The following RAP1B variants were observed in gnomAD, a reference collection of about 807,000 sequenced individuals.
RAP1B encodes the protein ras-related protein Rap-1b.
Under a neutral mutation model 27.5 loss-of-function variants are expected in RAP1B, and 1 was observed. The observed-to-expected ratio is 0.04, with a 90% CI of 0.01 to 0.17. The LOEUF (loss-of-function observed/expected upper bound fraction) is 0.17, where lower values mean the gene tolerates loss of function less well. Ranked by LOEUF, RAP1B falls within the 10% of genes least tolerant of loss-of-function variation. The pLI is 1.00. For missense variants in RAP1B, 84 were observed against 214.8 expected (o/e 0.39, Z 3.81); for synonymous variants, 75 against 73.1 (o/e 1.03, Z -0.13).
At chr12:68,620,634 A>AC (rs903020373) in intron 1 of RAP1B, among the ~76,000 whole-genome samples, 1 of 147,372 alleles carries the variant, frequency 6.8e-6, no homozygotes, top group Non-Finnish European at 1.5e-5. Context: ...ACAAGGTCTC[A>AC]CTGTCATCTA....
chr12:68,636,094 A>G (rs978965329), intron 1 of RAP1B, among the ~76,000 whole-genome samples: 18 of 151,432 alleles, frequency 1.2e-4, no homozygotes, highest in African/African-American at 3.9e-4. Flanking sequence ...CATATTGGCC[A>G]GGCTGGTCGC....
intron 1 of RAP1B, among the ~76,000 whole-genome samples, chr12:68,622,640 G>C (rs1235452285): frequency 6.6e-6 from 1 of 152,150 alleles, no homozygotes; most frequent in Non-Finnish European, 1.5e-5. Context: ...TACCTCTGTA[G>C]TTCTTAATCA....
chr12:68,623,274 G>A (rs1871512363), intron 1 of RAP1B, among the ~76,000 whole-genome samples: 1 of 152,126 alleles, frequency 6.6e-6, no homozygotes. Context: ...AGGAAGAAGT[G>A]AAACCCTTAG....
chr12:68,658,644 TACC>T (rs1271138959), intron 7 of RAP1B, among the ~76,000 whole-genome samples: 5 of 152,152 alleles, frequency 3.3e-5, no homozygotes, highest in Non-Finnish European at 7.4e-5. Context: ...TTTAGTGTAA[TACC>T]ACCTTTTTCT....
In RAP1B at chr12:68,661,021, CTT is replaced by C. The variant is rs1345754572; in HGVS notation, c.*1776_*1777del. The C allele has an allele frequency of 3.3e-5, 5 of 152,086 alleles. No homozygotes were observed. Among genetic ancestry groups the C allele is most frequent in the Non-Finnish European group, 5.9e-5 (4 of 67,992 alleles). 9.4% of individuals were successfully genotyped at this position (152,086 alleles called of 1,614,324 possible). A position where few individuals can be genotyped will look rare whatever the true frequency, so the allele number is the denominator to read the frequency against. The stretch of plus-strand genomic sequence containing the variant: ...GAATTCTTATAGAATTATTTTAAAA[CTT>C]TTTAAAAATTGTAAAGCTCTTAAAA... On this transcript the variant is annotated 3_prime_UTR_variant, in exon 8 of 8. Transcript: ENST00000250559.
At chr12:68,656,551 T>A in intron 6 of RAP1B, 102 bp downstream of exon 6, 1 of 1,218,084 alleles carries the variant, frequency 8.2e-7, no homozygotes, top group Middle Eastern at 2.0e-4. Context: ...CAGGGTAATA[T>A]GTTGATGTTA....
At position 68,656,395 on chromosome 12, in the gene RAP1B, G is replaced by C; in HGVS notation, c.414G>C (p.Trp138Cys). The change falls in exon 6 of 8, where the codon TGG (tryptophan) becomes TGC (cysteine). Residue 138 changes from tryptophan to cysteine, a missense_variant. Physicochemically the swap from Trp to Cys is radical, Grantham distance 215. Transcript: ENST00000250559. Reference sequence around the variant, plus strand: ...AAGGTCAAAATCTAGCAAGACAATGGAACAACTGTGCATTCTTAGAATCTT... The same window carrying C: ...AAGGTCAAAATCTAGCAAGACAATGCAACAACTGTGCATTCTTAGAATCTT... ...KEQGQNLARQWNNCAFLESSA... is the reference protein window; with the variant it reads ...KEQGQNLARQCNNCAFLESSA... The C allele has an allele frequency of 6.2e-7, 1 of 1,610,810 alleles. No individual in the cohort carries two copies. Among genetic ancestry groups the C allele is most frequent in the Non-Finnish European group, 8.5e-7 (1 of 1,177,230 alleles).
At chr12:68,636,828 A>G (rs1434157156) in intron 1 of RAP1B, among the ~76,000 whole-genome samples, 3 of 151,430 alleles carry the variant, frequency 2.0e-5, no homozygotes. Context: ...TAATTTTTGT[A>G]TTTTTAGTAG....
At chr12:68,637,541 G>A (rs1872707696) in intron 1 of RAP1B, among the ~76,000 whole-genome samples, 1 of 135,738 alleles carries the variant, frequency 7.4e-6, no homozygotes, top group African/African-American at 2.8e-5. Flanking sequence ...AGGTTGCAGT[G>A]AGCTGAGATC....
rs1470768064 is a variant in RAP1B, at chr12:68,671,696, G to A, written c.*12447G>A. 3 of 152,082 alleles carry A rather than the reference G, an allele frequency of 2.0e-5. No homozygotes were observed. The highest frequency in any genetic ancestry group is 7.2e-5 in the African/African-American group (3 of 41,418). The allele number at this position is 152,082 out of a possible 1,614,324, so 9.4% of individuals were successfully genotyped here. Reference sequence around the variant, plus strand: ...GTGAGGAAGTGAAGGATCTGAGTAGGTGGAAAAAGAAAAGCAAAAGTACAA... The same window carrying A: ...GTGAGGAAGTGAAGGATCTGAGTAGATGGAAAAAGAAAAGCAAAAGTACAA... On this transcript the variant is annotated 3_prime_UTR_variant, in exon 8 of 8. Coordinates refer to ENST00000250559, the MANE Select transcript of RAP1B (RefSeq NM_001010942.3).
chr12:68,623,926 C>T (rs1871560860), intron 1 of RAP1B, among the ~76,000 whole-genome samples: 1 of 151,336 alleles, frequency 6.6e-6, no homozygotes, highest in African/African-American at 2.4e-5. Flanking sequence ...GAGGCTGAGG[C>T]GGGAGAATCG....
At chr12:68,657,771 C>CACGT (rs1874322029) in intron 7 of RAP1B, 1 of 151,032 alleles carries the variant, frequency 6.6e-6, no homozygotes, top group Non-Finnish European at 1.4e-5. Flanking sequence ...CACACACACA[C>CACGT]ACGTGCGCGC....
At position 68,657,300 on chromosome 12, in the gene RAP1B, T is replaced by C. The variant is rs1221954193; in HGVS notation, c.*30+83T>C. On this transcript the variant is annotated intron_variant, in intron 7 of 7. Coordinates refer to ENST00000250559, the MANE Select transcript of RAP1B (RefSeq NM_001010942.3). ...TGTCATGAAAGCAAGTATAGACTTC[T>C]TTTTGTTGGTTCTGAAAAATAAATG... The C allele has an allele frequency of 3.8e-6, 3 of 788,240 alleles. No homozygotes were observed. In the East Asian group the frequency reaches 7.9e-5, roughly 21 times the overall value. The allele number at this position is 788,240 out of a possible 1,614,324, so 48.8% of individuals were successfully genotyped here.
intron 1 of RAP1B, among the ~76,000 whole-genome samples, chr12:68,613,729 C>G (rs565349541): frequency 1.3e-5 from 2 of 152,298 alleles, no homozygotes; most frequent in South Asian, 2.1e-4. Context: ...AGCGCGTTGC[C>G]TGGGCACAGT....
chr12:68,618,839 A>T (rs983226933), intron 1 of RAP1B, among the ~76,000 whole-genome samples: 1 of 152,222 alleles, frequency 6.6e-6, no homozygotes, highest in African/African-American at 2.4e-5. Context: ...ACTGTAACAA[A>T]ATGGGAAGTA....
rs560640421 is a variant in RAP1B, at chr12:68,612,379, T to C, written c.-27+1336T>C. Among the ~76,000 whole-genome samples, 32 of 152,320 alleles carry C rather than the reference T, an allele frequency of 2.1e-4. No individual in the cohort carries two copies. In the South Asian group the frequency reaches 5.2e-3, roughly 25 times the overall value. ...GCCCATATTATTCTTAAAAGCTGAC[T>C]CTTGAAATAGTATTTATTGAGTCAT... On this transcript the variant is annotated intron_variant, in intron 1 of 7. Transcript: ENST00000250559.
intron 4 of RAP1B, 143 bp from the exon 5 acceptor site, chr12:68,653,969 G>GT (rs1409407026): frequency 5.5e-6 from 4 of 732,978 alleles, no homozygotes; most frequent in Non-Finnish European, 8.6e-6. Flanking sequence ...TTTTCAAATA[G>GT]TATCTTGTCA....
intron 1 of RAP1B, among the ~76,000 whole-genome samples, chr12:68,628,309 A>G (rs1487987448): frequency 5.9e-5 from 9 of 152,212 alleles, no homozygotes. Context: ...CAACTGATAC[A>G]AACTGAAGCA....
At chr12:68,645,019 C>T (rs187982875) in intron 1 of RAP1B, among the ~76,000 whole-genome samples, 117 of 152,210 alleles carry the variant, frequency 7.7e-4, no homozygotes, top group Non-Finnish European at 1.0e-3. Context: ...CTTTTGTTGA[C>T]GAGTATGTGC....
Sources: gnomAD v4.1 joint callset for allele counts (sites outside exome capture counted in the v4.1 genomes callset) on GRCh38, gnomAD v4.1.1 for gene constraint, MANE v1.5 for transcripts, NCBI Gene and HGNC (gene_info 2026-07-23, HGNC 2026-07-21) for gene names.